RANBP2: variants seen among roughly 807,000 people sequenced by gnomAD.
RANBP2 encodes the protein E3 SUMO-protein ligase RanBP2.
A neutral mutation model predicts 303.6 loss-of-function variants in RANBP2; 57 were observed. That is an observed-to-expected ratio of 0.19 (90% CI 0.15 to 0.23). The LOEUF is 0.23. Ranked by LOEUF, RANBP2 falls within the 10% of genes least tolerant of loss-of-function variation. RANBP2 has a pLI of 1.00. For synonymous variants in RANBP2, 1,167 were observed against 1,301.5 expected, an observed-to-expected ratio of 0.90 and a Z score of 2.23; for missense variants, 3,138 against 3,780.8, an observed-to-expected ratio of 0.83 and a Z score of 4.46.
At chr2:108,943,074 T>C in the RANBP2 span, among the ~76,000 whole-genome samples, 21 of 152,168 alleles carry the variant, frequency 1.4e-4, no homozygotes, top group Non-Finnish European at 2.6e-4. Context: ...GGGCTTTTTT[T>C]CCCTCCCTTA....
chr2:108,955,754 C>T, the RANBP2 span, among the ~76,000 whole-genome samples: 9 of 151,974 alleles, frequency 5.9e-5, no homozygotes, highest in East Asian at 1.9e-4. Context: ...AGGTAGGGCG[C>T]GGTGGCTCAT....
the RANBP2 span, among the ~76,000 whole-genome samples, chr2:108,867,760 G>A: frequency 6.6e-6 from 1 of 152,146 alleles, no homozygotes; most frequent in African/African-American, 2.4e-5. Context: ...TTTGAGGGAT[G>A]GGCAACTGAA....
chr2:109,589,070 A>G, the RANBP2 span, among the ~76,000 whole-genome samples: 2 of 151,848 alleles, frequency 1.3e-5, no homozygotes, highest in Non-Finnish European at 2.9e-5. Flanking sequence ...AGTTGGGATT[A>G]TAGGCGCCAC....
At chr2:109,568,053 C>G in the RANBP2 span, 1 of 1,125,336 alleles carries the variant, frequency 8.9e-7, no homozygotes, top group Non-Finnish European at 1.3e-6. Context: ...TCACTCAAAA[C>G]TGTTCATTCT....
At chr2:109,383,745 C>T in the RANBP2 span, among the ~76,000 whole-genome samples, 17 of 152,308 alleles carry the variant, frequency 1.1e-4, no homozygotes, top group African/African-American at 3.1e-4. Flanking sequence ...CTTTTATAAA[C>T]GCCTCCCAAA....
the RANBP2 span, among the ~76,000 whole-genome samples, chr2:109,521,552 A>C: frequency 6.6e-6 from 1 of 152,176 alleles, no homozygotes; most frequent in South Asian, 2.1e-4. Flanking sequence ...CGGAGCTGGC[A>C]CTCAGTGCAT....
chr2:108,856,923 T>G, the RANBP2 span: 241 of 1,613,054 alleles, frequency 1.5e-4, no homozygotes, highest in Non-Finnish European at 2.0e-4. Context: ...AGTAAAGGAC[T>G]CCTGTCTAAT....
chr2:109,554,624 T>C, the RANBP2 span, among the ~76,000 whole-genome samples: 1 of 152,178 alleles, frequency 6.6e-6, no homozygotes. Flanking sequence ...AGGGAGAATA[T>C]GCCAACTCCA....
chr2:109,629,835 G>A, the RANBP2 span, among the ~76,000 whole-genome samples: 2 of 151,998 alleles, frequency 1.3e-5, no homozygotes, highest in East Asian at 1.9e-4. Flanking sequence ...ACGTGTATGA[G>A]TATGGTTTGG....
At chr2:109,369,520 A>G in the RANBP2 span, among the ~76,000 whole-genome samples, 1 of 152,184 alleles carries the variant, frequency 6.6e-6, no homozygotes, top group African/African-American at 2.4e-5. Flanking sequence ...CAGTTGGAAA[A>G]AGTGGCATTG....
chr2:108,901,073 A>T, the RANBP2 span, among the ~76,000 whole-genome samples: 2 of 152,226 alleles, frequency 1.3e-5, no homozygotes, highest in African/African-American at 4.8e-5. Context: ...CCATTCAACA[A>T]CAGCAGAATA....
chr2:108,768,052 C>T lies in RANBP2; in HGVS notation c.7513C>T (p.Pro2505Ser), dbSNP rs147542198. 1 of 1,611,642 alleles carries T rather than the reference C, an allele frequency of 6.2e-7. No homozygotes were observed. Among genetic ancestry groups the T allele is most frequent in the South Asian group, 1.1e-5 (1 of 90,758 alleles). The change falls in exon 20 of 29, where the codon CCA becomes TCA. Residue 2505 changes from proline to serine, a missense_variant. Transcript: ENST00000283195. Reference protein sequence around the residue: ...VEVSSTSETTPKAVVSPPKFV... With the variant: ...VEVSSTSETTSKAVVSPPKFV... Reference sequence around the variant, plus strand: ...AGTGTCTAGCACATCTGAAACAACACCAAAAGCAGTGGTTTCTCCTCCAAA... The same window carrying T: ...AGTGTCTAGCACATCTGAAACAACATCAAAAGCAGTGGTTTCTCCTCCAAA...
chr2:109,629,221 A>AATAT, the RANBP2 span, among the ~76,000 whole-genome samples: 1 of 130,788 alleles, frequency 7.6e-6, no homozygotes, highest in Non-Finnish European at 1.6e-5. Context: ...TAAATAAATA[A>AATAT]ATAAATAAAT....
At chr2:109,173,291 A>G in the RANBP2 span, among the ~76,000 whole-genome samples, 2 of 152,090 alleles carry the variant, frequency 1.3e-5, no homozygotes, top group Non-Finnish European at 2.9e-5. Flanking sequence ...GAGGCTCCTG[A>G]GCCTGCACTT....
chr2:109,366,008 A>T, the RANBP2 span, among the ~76,000 whole-genome samples: 1 of 152,254 alleles, frequency 6.6e-6, no homozygotes, highest in African/African-American at 2.4e-5. Context: ...GTTTTCTGGC[A>T]TATAAGACAA....
chr2:108,793,338 A>T, the RANBP2 span, among the ~76,000 whole-genome samples: 1 of 152,110 alleles, frequency 6.6e-6, no homozygotes, highest in Non-Finnish European at 1.5e-5. Context: ...GTCTCAAAAA[A>T]CAAAACAAAA....
chr2:109,334,487 G>A, the RANBP2 span, among the ~76,000 whole-genome samples: 24 of 152,114 alleles, frequency 1.6e-4, no homozygotes, highest in African/African-American at 5.5e-4. Context: ...GACTTTCCTC[G>A]CAATAAGGGC....
At chr2:109,550,377 A>G in the RANBP2 span, among the ~76,000 whole-genome samples, 1 of 151,478 alleles carries the variant, frequency 6.6e-6, no homozygotes, top group Non-Finnish European at 1.5e-5. Context: ...CAGTGGCATA[A>G]TCTTGGCTCA....
chr2:109,387,618 A>G, the RANBP2 span, among the ~76,000 whole-genome samples: 1 of 152,204 alleles, frequency 6.6e-6, no homozygotes, highest in East Asian at 1.9e-4. Flanking sequence ...TGTGAAGCCC[A>G]TCTGGGCCCC....
Sources: allele counts gnomAD v4.1 joint callset (sites outside exome capture counted in the v4.1 genomes callset), GRCh38; gene constraint gnomAD v4.1.1; transcripts MANE v1.5; gene names NCBI Gene and HGNC (gene_info 2026-07-23, HGNC 2026-07-21).